Variants in BCL11A observed in about 807,000 individuals in gnomAD.
BCL11A encodes the protein B cell CLL/lymphoma 11A.
Under a neutral mutation model 55.9 loss-of-function variants are expected in BCL11A, and 2 were observed. The observed-to-expected ratio is 0.04, with a 90% CI of 0.01 to 0.11. The LOEUF (loss-of-function observed/expected upper bound fraction) is 0.11, where lower values mean the gene tolerates loss of function less well. Among genes scored for constraint, BCL11A ranks in the 10% least tolerant of loss-of-function variants. The pLI is 1.00. For synonymous variants in BCL11A, 465 were observed against 473.4 expected, an observed-to-expected ratio of 0.98 and a Z score of 0.23; for missense variants, 817 against 1,137.1, an observed-to-expected ratio of 0.72 and a Z score of 4.05.
intron 2 of BCL11A, among the ~76,000 whole-genome samples, chr2:60,520,529 A>G (rs368018626): frequency 6.6e-6 from 1 of 152,336 alleles, no homozygotes; most frequent in African/African-American, 2.4e-5. Flanking sequence ...ACACATTCGC[A>G]TTCCGTTTAT....
chr2:60,466,507 G>C (rs1676622993), intron 3 of BCL11A, among the ~76,000 whole-genome samples: 1 of 151,986 alleles, frequency 6.6e-6, no homozygotes, highest in Non-Finnish European at 1.5e-5. Context: ...GAGCAGATGA[G>C]GTGCTTTTAA....
intron 2 of BCL11A, among the ~76,000 whole-genome samples, chr2:60,541,038 A>G (rs1414552960): frequency 6.6e-6 from 1 of 151,950 alleles, no homozygotes; most frequent in Non-Finnish European, 1.5e-5. Context: ...GAATAAACAC[A>G]GAGAACGGGA....
chr2:60,535,043 C>G (rs535081427), intron 2 of BCL11A: 4 of 152,148 alleles, frequency 2.6e-5, no homozygotes, highest in African/African-American at 9.6e-5. Flanking sequence ...TGATGTGCAC[C>G]GAATGTACAT....
chr2:60,538,299 G>A (rs1029182808), intron 2 of BCL11A: 6 of 152,246 alleles, frequency 3.9e-5, no homozygotes, highest in Admixed American at 6.5e-5. Context: ...TGGTGCATAC[G>A]TCAATCGTGC....
intron 2 of BCL11A, chr2:60,538,097 A>G (rs1211086624): frequency 1.3e-5 from 2 of 152,232 alleles, no homozygotes; most frequent in African/African-American, 2.4e-5. Flanking sequence ...TCTGAATAAC[A>G]TGCTGCCAGC....
At chr2:60,473,993 G>T (rs955985454) in intron 2 of BCL11A, among the ~76,000 whole-genome samples, 2 of 152,226 alleles carry the variant, frequency 1.3e-5, no homozygotes, top group African/African-American at 2.4e-5. Context: ...CTACAATATA[G>T]AATTTCTTCC....
At chr2:60,482,014 C>T (rs1572987322) in intron 2 of BCL11A, among the ~76,000 whole-genome samples, 1 of 152,282 alleles carries the variant, frequency 6.6e-6, no homozygotes, top group East Asian at 1.9e-4. Context: ...TGATGTTTCC[C>T]AGTGGAGGGC....
chr2:60,461,164 T>A lies in BCL11A; in HGVS notation c.1748A>T (p.Asp583Val), dbSNP rs1310502225. Reference protein sequence around the residue: ...GHLAEAEGHRDTCDEDSVAGE... With the variant: ...GHLAEAEGHRVTCDEDSVAGE... ...GGCCACCGAGTCTTCGTCGCAAGTG[T>A]CCCTGTGGCCCTCGGCCTCGGCCAG... Residue 583 changes from aspartate to valine, a missense_variant, in exon 4 of 4, where the codon GAC (aspartate) becomes GTC (valine). Physicochemically the swap from Asp to Val is radical, Grantham distance 152. Around this residue, in one of 4 missense-constraint regions of BCL11A, gnomAD observed 379 missense variants for 425.3 expected, o/e 0.89. Coordinates refer to ENST00000642384, the MANE Select transcript of BCL11A (RefSeq NM_022893.4). 6.2e-7 allele frequency: 1 copy of A among 1,612,462 alleles called. No homozygotes were observed. Among genetic ancestry groups the A allele is most frequent in the Non-Finnish European group, 8.5e-7 (1 of 1,179,806 alleles).
chr2:60,474,715 C>G (rs1677422853), intron 2 of BCL11A, among the ~76,000 whole-genome samples: 1 of 152,204 alleles, frequency 6.6e-6, no homozygotes, highest in Non-Finnish European at 1.5e-5. Context: ...AAATTCCATT[C>G]ATTCATTCTC....
chr2:60,450,545 A>T (rs1175311616), downstream of BCL11A: 1 of 152,120 alleles, frequency 6.6e-6, no homozygotes, highest in African/African-American at 2.4e-5. Context: ...AAGTGGTGTC[A>T]CTCTTTCTAG....
chr2:60,489,994 C>G (rs1047444806), intron 2 of BCL11A, among the ~76,000 whole-genome samples: 3 of 152,194 alleles, frequency 2.0e-5, no homozygotes, highest in Non-Finnish European at 4.4e-5. Context: ...AATACAGACC[C>G]TGATGGGCCC....
intron 2 of BCL11A, among the ~76,000 whole-genome samples, chr2:60,538,741 G>C (rs77924806): frequency 0.16 from 5,979 of 36,258 alleles, 128 homozygotes; most frequent in Non-Finnish European, 0.22. Flanking sequence ...CTCTCTCTCT[G>C]TGTGTGTGTG....
At chr2:60,515,446 A>G (rs1434478120) in intron 2 of BCL11A, among the ~76,000 whole-genome samples, 3 of 152,200 alleles carry the variant, frequency 2.0e-5, no homozygotes, top group Non-Finnish European at 4.4e-5. Flanking sequence ...CCTGCCCTCC[A>G]AAAGGTTATA....
intron 2 of BCL11A, among the ~76,000 whole-genome samples, chr2:60,532,105 C>T (rs558168475): frequency 4.6e-5 from 7 of 152,164 alleles, no homozygotes; most frequent in Non-Finnish European, 7.3e-5. Flanking sequence ...ACACACCCAC[C>T]GCACAATCGA....
At chr2:60,476,602 C>A (rs1198575889) in intron 2 of BCL11A, among the ~76,000 whole-genome samples, 2 of 152,246 alleles carry the variant, frequency 1.3e-5, no homozygotes, top group Admixed American at 1.3e-4. Context: ...AAATGAATTT[C>A]TGTAAAATAA....
At position 60,459,654 on chromosome 2, in the gene BCL11A, G is replaced by A. The variant is rs1029234035; in HGVS notation, c.*750C>T. The A allele has an allele frequency of 2.9e-6, 3 of 1,032,404 alleles. No individual in the cohort carries two copies. The highest frequency in any genetic ancestry group is 2.3e-6 in the Non-Finnish European group (2 of 858,088). 64.0% of individuals were successfully genotyped at this position (1,032,404 alleles called of 1,614,324 possible). A position where few individuals can be genotyped will look rare whatever the true frequency, so the allele number is the denominator to read the frequency against. On this transcript the variant is annotated 3_prime_UTR_variant, in exon 4 of 4. Coordinates refer to ENST00000642384, the MANE Select transcript of BCL11A (RefSeq NM_022893.4). ...TTTATAACAAGTAGAAAGAACCATC[G>A]ATGTGGTTTTAATAGATCCAAGGCA...
intron 2 of BCL11A, among the ~76,000 whole-genome samples, chr2:60,480,997 G>A (rs538712885): frequency 1.3e-5 from 2 of 152,326 alleles, no homozygotes; most frequent in East Asian, 1.9e-4. Context: ...CTAGACCTGG[G>A]AGGGGCATTA....
chr2:60,507,291 G>A (rs1223062129), intron 2 of BCL11A, among the ~76,000 whole-genome samples: 1 of 940 alleles, frequency 1.1e-3, no homozygotes, highest in African/African-American at 6.8e-3. Context: ...GGGGAGGGGA[G>A]GGGAGGGGAG....
chr2:60,495,777 G>A (rs150134551), intron 2 of BCL11A: 9 of 152,324 alleles, frequency 5.9e-5, no homozygotes, highest in African/African-American at 2.2e-4. Context: ...CTGGAAAACT[G>A]TAATTCTTTT....
Sources: gnomAD v4.1 joint callset for allele counts (sites outside exome capture counted in the v4.1 genomes callset) on GRCh38, gnomAD v4.1.1 for gene constraint, gnomAD v4.1.1 regional missense constraint, MANE v1.5 for transcripts, NCBI Gene and HGNC (gene_info 2026-07-23, HGNC 2026-07-21) for gene names.